Variants in HCRTR2 observed in about 807,000 individuals in gnomAD.
HCRTR2 encodes orexin receptor type 2.
HCRTR2 carries 22 observed loss-of-function variants against 49.0 expected under a neutral mutation model. The ratio of observed to expected loss-of-function variants is 0.45; its 90% CI spans 0.32 to 0.64. HCRTR2 has a LOEUF of 0.64. Among genes scored for constraint, HCRTR2 ranks in the 30% least tolerant of loss-of-function variants. HCRTR2 has a pLI of 0.04. For synonymous variants in HCRTR2, 236 were observed against 205.3 expected, an observed-to-expected ratio of 1.15 and a Z score of -1.28; for missense variants, 491 against 559.4, an observed-to-expected ratio of 0.88 and a Z score of 1.23.
intron 1 of HCRTR2, among the ~76,000 whole-genome samples, chr6:55,124,883 C>A (rs879089926): frequency 6.7e-6 from 1 of 148,414 alleles, no homozygotes; most frequent in South Asian, 2.1e-4. Context: ...CTCTTTTGAT[C>A]TTTGTTGGTT....
intron 3 of HCRTR2, among the ~76,000 whole-genome samples, chr6:55,262,292 A>C (rs2127321679): frequency 6.9e-6 from 1 of 145,272 alleles, no homozygotes; most frequent in South Asian, 2.1e-4. Context: ...TACATACAAA[A>C]ATTCAGATTC....
At chr6:55,171,853 T>C (rs867138678), upstream of HCRTR2, among the ~76,000 whole-genome samples, 8 of 152,210 alleles carry the variant, frequency 5.3e-5, no homozygotes, top group African/African-American at 1.9e-4. Context: ...TGAAAGCTAA[T>C]GACACTGACT....
intron 1 of HCRTR2, among the ~76,000 whole-genome samples, chr6:55,212,415 T>G (rs542573669): frequency 8.5e-5 from 13 of 152,184 alleles, no homozygotes; most frequent in Non-Finnish European, 1.8e-4. Flanking sequence ...AATATCAATC[T>G]TCTTTCCCTT....
At chr6:55,161,963 C>T (rs1255663958) in intron 1 of HCRTR2, among the ~76,000 whole-genome samples, 2 of 152,094 alleles carry the variant, frequency 1.3e-5, no homozygotes, top group African/African-American at 2.4e-5. Context: ...AAAAGAAAGA[C>T]TCCTCCCTAA....
At chr6:55,173,111 G>A (rs115850392), upstream of HCRTR2, among the ~76,000 whole-genome samples, 409 of 152,306 alleles carry the variant, frequency 2.7e-3, no homozygotes, top group African/African-American at 9.4e-3. Context: ...ATAAAGGAGC[G>A]CTGGGGCTGT....
At chr6:55,267,404 G>GTTT (rs200158940) in intron 4 of HCRTR2, among the ~76,000 whole-genome samples, 1,282 of 124,510 alleles carry the variant, frequency 0.01, 34 homozygotes, top group African/African-American at 0.028. Flanking sequence ...CTCTCTCTCT[G>GTTT]TTTTTTTTTT....
At chr6:55,145,970 T>C (rs1764576022) in intron 1 of HCRTR2, among the ~76,000 whole-genome samples, 1 of 152,162 alleles carries the variant, frequency 6.6e-6, no homozygotes, top group South Asian at 2.1e-4. Flanking sequence ...CCTTTTTTTT[T>C]TCTCTGTGAT....
At chr6:55,226,723 T>TTTTTTTTTG (rs1766013565) in intron 1 of HCRTR2, among the ~76,000 whole-genome samples, 1 of 137,710 alleles carries the variant, frequency 7.3e-6, no homozygotes, top group African/African-American at 2.8e-5. Context: ...TTTTTTTTTT[T>TTTTTTTTTG]TTTTTTTTTT....
chr6:55,280,477 A>T lies in HCRTR2; in HGVS notation c.1105+33A>T, dbSNP rs200941650. Reference sequence around the variant, plus strand: ...TTCAACTGTTCTTCCATAAGCCACAATTGTAACCAAGGATGAGGAATCAAT... The same window carrying T: ...TTCAACTGTTCTTCCATAAGCCACATTTGTAACCAAGGATGAGGAATCAAT... On this transcript the variant is annotated intron_variant, in intron 6 of 6. Transcript: ENST00000370862. The T allele has an allele frequency of 8.7e-6, 14 of 1,609,904 alleles. 1 individual carries two copies. The highest frequency in any genetic ancestry group is 5.3e-5 in the African/African-American group (4 of 74,870).
intron 5 of HCRTR2, among the ~76,000 whole-genome samples, chr6:55,278,626 T>C (rs894462601): frequency 2.0e-5 from 3 of 152,088 alleles, no homozygotes; most frequent in Non-Finnish European, 2.9e-5. Flanking sequence ...CTTAAAGATA[T>C]ATGATTTTTT....
chr6:55,227,504 G>A (rs74835128), intron 1 of HCRTR2, among the ~76,000 whole-genome samples: 3,302 of 152,278 alleles, frequency 0.022, 68 homozygotes, highest in Middle Eastern at 0.071. Context: ...AAGCATTAAT[G>A]TTTAACATGT....
chr6:55,280,703 A>G lies in HCRTR2; in HGVS notation c.1105+259A>G, dbSNP rs113036572. Among the ~76,000 whole-genome samples, 41 of 152,310 alleles carry G rather than the reference A, an allele frequency of 2.7e-4. 1 individual carries two copies. Among genetic ancestry groups the G allele is most frequent in the Middle Eastern group, 6.8e-3 (2 of 294 alleles). On this transcript the variant is annotated intron_variant, in intron 6 of 6. Coordinates refer to ENST00000370862, the MANE Select transcript of HCRTR2 (RefSeq NM_001384272.1). ...AAGTAAACATTCTGAGAAATCAATA[A>G]CACAAAATCTTACATGACATACTTT... is the stretch of plus-strand genomic sequence containing the variant.
At chr6:55,171,374 T>C (rs1764947112), upstream of HCRTR2, among the ~76,000 whole-genome samples, 1 of 152,138 alleles carries the variant, frequency 6.6e-6, no homozygotes, top group African/African-American at 2.4e-5. Context: ...TTCTTTTGTG[T>C]TTGTAAAATG....
intron 5 of HCRTR2, among the ~76,000 whole-genome samples, chr6:55,278,624 T>C (rs1035631274): frequency 6.6e-6 from 1 of 152,098 alleles, no homozygotes; most frequent in African/African-American, 2.4e-5. Context: ...GCCTTAAAGA[T>C]ATATGATTTT....
At chr6:55,154,793 C>G (rs888727222) in intron 1 of HCRTR2, among the ~76,000 whole-genome samples, 14 of 151,690 alleles carry the variant, frequency 9.2e-5, no homozygotes, top group African/African-American at 3.4e-4. Context: ...GAGCTGATCT[C>G]ATGTGTAGAC....
intron 1 of HCRTR2, among the ~76,000 whole-genome samples, chr6:55,142,484 G>A (rs1453645360): frequency 6.6e-6 from 1 of 151,624 alleles, no homozygotes; most frequent in African/African-American, 2.4e-5. Context: ...TGGGATTACA[G>A]GCATGAGCCA....
intron 1 of HCRTR2, among the ~76,000 whole-genome samples, chr6:55,247,925 C>A (rs1766477140): frequency 6.6e-6 from 1 of 152,074 alleles, no homozygotes. Flanking sequence ...GAAGGCAACC[C>A]ATGTGGTGAA....
intron 1 of HCRTR2, among the ~76,000 whole-genome samples, chr6:55,244,651 G>C (rs188413012): frequency 6.6e-6 from 1 of 151,980 alleles, no homozygotes; most frequent in East Asian, 1.9e-4. Context: ...AACCTTGCAC[G>C]GGTGAGTGGG....
At chr6:55,218,128 C>T (rs1199300945) in intron 1 of HCRTR2, among the ~76,000 whole-genome samples, 1 of 152,174 alleles carries the variant, frequency 6.6e-6, no homozygotes, top group Non-Finnish European at 1.5e-5. Context: ...GACGACTATC[C>T]TATTCCTGTG....
Sources: gnomAD v4.1 joint callset for allele counts (sites outside exome capture counted in the v4.1 genomes callset) on GRCh38, gnomAD v4.1.1 for gene constraint, MANE v1.5 for transcripts, NCBI Gene and HGNC (gene_info 2026-07-23, HGNC 2026-07-21) for gene names.